The following KCNQ5 variants were observed in gnomAD, a reference collection of about 807,000 sequenced individuals.
KCNQ5 encodes the protein potassium voltage-gated channel subfamily Q member 5, also known as potassium voltage-gated channel subfamily KQT member 5.
KCNQ5 carries 30 observed loss-of-function variants against 98.2 expected under a neutral mutation model. That is an observed-to-expected ratio of 0.31 (90% CI 0.23 to 0.41). The LOEUF is 0.41. Among genes scored for constraint, KCNQ5 ranks in the 10% least tolerant of loss-of-function variants. The pLI is 1.00. For synonymous variants in KCNQ5, 458 were observed against 449.4 expected, an observed-to-expected ratio of 1.02 and a Z score of -0.24; for missense variants, 835 against 1,182.5, an observed-to-expected ratio of 0.71 and a Z score of 4.31.
At chr6:73,021,685 G>T (rs1413598028) in intron 2 of KCNQ5, among the ~76,000 whole-genome samples, 1 of 152,100 alleles carries the variant, frequency 6.6e-6, no homozygotes, top group African/African-American at 2.4e-5. Context: ...TGTACTAATA[G>T]CAAGCTTTTT....
intron 1 of KCNQ5, among the ~76,000 whole-genome samples, chr6:72,751,012 G>GA (rs1030181192): frequency 1.1e-4 from 17 of 150,192 alleles, no homozygotes; most frequent in East Asian, 1.9e-4. Context: ...GTACTGGGAT[G>GA]AAAAAAAAAT....
chr6:72,849,407 C>G (rs1777154579), intron 1 of KCNQ5, among the ~76,000 whole-genome samples: 1 of 152,156 alleles, frequency 6.6e-6, no homozygotes, highest in Non-Finnish European at 1.5e-5. Flanking sequence ...TTCCCACCAA[C>G]AGTATGTAAG....
At chr6:72,829,681 G>T (rs192550687) in intron 1 of KCNQ5, among the ~76,000 whole-genome samples, 3 of 152,302 alleles carry the variant, frequency 2.0e-5, no homozygotes, top group African/African-American at 4.8e-5. Context: ...TGCCATAGAG[G>T]TTCTAGGAGA....
At chr6:72,745,959 A>G (rs1771376386) in intron 1 of KCNQ5, among the ~76,000 whole-genome samples, 1 of 151,542 alleles carries the variant, frequency 6.6e-6, no homozygotes, top group Admixed American at 6.6e-5. Flanking sequence ...CTGTATCTCT[A>G]ACTCCAAATT....
intron 9 of KCNQ5, among the ~76,000 whole-genome samples, chr6:73,128,859 CTT>C (rs1360803244): frequency 1.3e-5 from 2 of 152,112 alleles, no homozygotes; most frequent in African/African-American, 4.8e-5. Flanking sequence ...ACATTACACT[CTT>C]GTGCTGTGAG....
At position 72,977,944 on chromosome 6, in the gene KCNQ5, G is replaced by T. The variant is rs556288923; in HGVS notation, c.399-25964G>T. ...AGCCCCTGAATACTACATGTTGAAT[G>T]CGTCAATGAATTGATTAGTACCTGT... On this transcript the variant is annotated intron_variant, in intron 1 of 13. Transcript: ENST00000370398. 2.0e-5 allele frequency among the ~76,000 whole-genome samples: 3 copies of T among 152,238 alleles called. No individual in the cohort carries two copies. The East Asian group carries it at 5.8e-4, about 29-fold the overall frequency.
chr6:72,803,545 C>G (rs904625885), intron 1 of KCNQ5, among the ~76,000 whole-genome samples: 1 of 152,166 alleles, frequency 6.6e-6, no homozygotes, highest in African/African-American at 2.4e-5. Flanking sequence ...GGCACTGGAT[C>G]TGTCCTATAA....
At chr6:73,122,267 A>G (rs1775779040) in intron 8 of KCNQ5, among the ~76,000 whole-genome samples, 1 of 152,252 alleles carries the variant, frequency 6.6e-6, no homozygotes, top group Non-Finnish European at 1.5e-5. Flanking sequence ...CTCAAGTGAC[A>G]GAGGAGAGTG....
chr6:72,676,364 A>G (rs1341736695), intron 1 of KCNQ5, among the ~76,000 whole-genome samples: 2 of 152,188 alleles, frequency 1.3e-5, no homozygotes, highest in Non-Finnish European at 2.9e-5. Flanking sequence ...TAAAATTTCC[A>G]TCATAAAGTA....
intron 1 of KCNQ5, among the ~76,000 whole-genome samples, chr6:72,883,665 G>A (rs1220543494): frequency 4.6e-5 from 7 of 152,258 alleles, no homozygotes; most frequent in Non-Finnish European, 8.8e-5. Flanking sequence ...CAGGAGCCAG[G>A]GGTGCAGAAG....
chr6:72,797,293 A>C (rs1487645041), intron 1 of KCNQ5, among the ~76,000 whole-genome samples: 6 of 152,040 alleles, frequency 3.9e-5, no homozygotes, highest in Non-Finnish European at 7.4e-5. Flanking sequence ...TGAGGTAGGC[A>C]GACTGCTTGA....
chr6:73,044,397 C>G (rs574242820), intron 3 of KCNQ5, among the ~76,000 whole-genome samples: 10 of 152,304 alleles, frequency 6.6e-5, no homozygotes, highest in Admixed American at 6.5e-4. Context: ...AAGAAAATTT[C>G]ATGGATAAAT....
chr6:72,838,103 C>G (rs979584352), intron 1 of KCNQ5, among the ~76,000 whole-genome samples: 9 of 105,292 alleles, frequency 8.5e-5, no homozygotes, highest in South Asian at 4.1e-4. Context: ...TCCCTCCCCC[C>G]TCCCCCCACC....
chr6:72,679,993 G>A (rs182677767), intron 1 of KCNQ5, among the ~76,000 whole-genome samples: 11 of 152,216 alleles, frequency 7.2e-5, no homozygotes, highest in Admixed American at 5.2e-4. Flanking sequence ...AGCCAAGATC[G>A]TGCCACTGCA....
At chr6:73,095,211 A>G (rs572661547) in intron 5 of KCNQ5, among the ~76,000 whole-genome samples, 16 of 152,218 alleles carry the variant, frequency 1.1e-4, no homozygotes, top group African/African-American at 3.9e-4. Context: ...GTTCAATTCT[A>G]TTGCTGAGAC....
At chr6:72,906,093 G>A (rs1779688036) in intron 1 of KCNQ5, among the ~76,000 whole-genome samples, 1 of 152,126 alleles carries the variant, frequency 6.6e-6, no homozygotes, top group African/African-American at 2.4e-5. Flanking sequence ...GGGGATGGGG[G>A]TGAGGTTTCC....
chr6:72,918,735 G>T (rs1443208306), intron 1 of KCNQ5, among the ~76,000 whole-genome samples: 1 of 152,050 alleles, frequency 6.6e-6, no homozygotes, highest in South Asian at 2.1e-4. Context: ...AAATTTTCGG[G>T]TCCTATCTAC....
chr6:72,670,884 A>G (rs1767069390), intron 1 of KCNQ5, among the ~76,000 whole-genome samples: 1 of 152,214 alleles, frequency 6.6e-6, no homozygotes, highest in Admixed American at 6.5e-5. Context: ...CTGATCCTAT[A>G]GGTCAGATCC....
chr6:72,856,774 T>C (rs1221327928), intron 1 of KCNQ5, among the ~76,000 whole-genome samples: 1 of 152,240 alleles, frequency 6.6e-6, no homozygotes, highest in Non-Finnish European at 1.5e-5. Flanking sequence ...GCCCAGGATC[T>C]AGACCGTTGC....
Sources: allele counts gnomAD v4.1 joint callset (sites outside exome capture counted in the v4.1 genomes callset), GRCh38; gene constraint gnomAD v4.1.1; transcripts MANE v1.5; gene names NCBI Gene and HGNC (gene_info 2026-07-23, HGNC 2026-07-21).